ADGRG4: variants seen among roughly 807,000 people sequenced by gnomAD.
ADGRG4 encodes the protein adhesion G protein-coupled receptor G4.
ADGRG4 carries 122 observed loss-of-function variants against 126.2 expected under a neutral mutation model. That is an observed-to-expected ratio of 0.97 (90% CI 0.83 to 1.12). The LOEUF is 1.12. ADGRG4 is among the 50% of genes most tolerant of loss of function. The pLI is 0.00. For missense variants in ADGRG4, 2,481 were observed against 2,251.8 expected (o/e 1.10, Z -2.06); for synonymous variants, 943 against 838.7 (o/e 1.12, Z -2.15).
Position 136,349,986 on chromosome X carries a change from G to T in ADGRG4, c.6280G>T (p.Val2094Phe). Reference sequence around the variant, plus strand: ...AACTTCTCTCCCTATGTCTATAAATGTCACAGATGACATTGTGTACATTTC... The same window carrying T: ...AACTTCTCTCCCTATGTCTATAAATTTCACAGATGACATTGTGTACATTTC... ...FPTSLPMSIN[V>F]TDDIVYISTH... The change falls in exon 6 of 26, where the codon GTC (valine) becomes TTC (phenylalanine). Residue 2094 changes from valine to phenylalanine, a missense_variant. Transcript: ENST00000394143. 8.3e-7 allele frequency: 1 copy of T among 1,209,679 alleles called. No individual in the cohort carries two copies. Among genetic ancestry groups the T allele is most frequent in the Non-Finnish European group, 1.1e-6 (1 of 894,017 alleles).
chrX:136,322,701 T>C (rs940404575), intron 4 of ADGRG4, 77 bp from the exon 5 acceptor site: 24 of 923,833 alleles, frequency 2.6e-5, no homozygotes, highest in African/African-American at 4.0e-5. Context: ...GATTTGACTG[T>C]ATTGCCAAAT....
Position 136,322,807 on chromosome X carries a change from G to T in ADGRG4, c.100G>T (p.Asp34Tyr), listed in dbSNP as rs2074846796. ...ACTTTCACTAAAAGGAAAAAAGCTG[G>T]ATTTTTTTGGAAGAGGTGACACATA... ...DTLSLKGKKL[D>Y]FFGRGDTYVS... The change falls in exon 5 of 26, where the codon GAT becomes TAT. Residue 34 changes from aspartate to tyrosine, a missense_variant. By Grantham distance (160) the Asp-to-Tyr change is radical. Coordinates refer to ENST00000394143, the MANE Select transcript of ADGRG4 (RefSeq NM_153834.4). 19 of 1,187,926 alleles carry T rather than the reference G, an allele frequency of 1.6e-5. No homozygotes were observed. The highest frequency in any genetic ancestry group is 2.1e-5 in the Non-Finnish European group (19 of 883,793).
At chrX:136,338,220 C>T (rs1165812156) in intron 5 of ADGRG4, among the ~76,000 whole-genome samples, 1 of 107,250 alleles carries the variant, frequency 9.3e-6, no homozygotes, top group Non-Finnish European at 1.9e-5. Context: ...TACAGTGGCG[C>T]GATCTTGGCT....
At chrX:136,334,076 CTT>C (rs1165312873) in intron 5 of ADGRG4, among the ~76,000 whole-genome samples, 16 of 2,494 alleles carry the variant, frequency 6.4e-3, no homozygotes, top group African/African-American at 0.041. Context: ...GGTTCTCTCT[CTT>C]TCTTTCTTTC....
chrX:136,374,360 A>G (rs918174314), intron 15 of ADGRG4, among the ~76,000 whole-genome samples: 1 of 111,333 alleles, frequency 9.0e-6, no homozygotes, highest in Non-Finnish European at 1.9e-5. Flanking sequence ...TGATCATATT[A>G]TTTCTATGTC....
intron 5 of ADGRG4, among the ~76,000 whole-genome samples, chrX:136,328,159 A>C (rs1415678456): frequency 9.0e-6 from 1 of 111,441 alleles, no homozygotes; most frequent in Non-Finnish European, 1.9e-5. Context: ...GAAAATATAG[A>C]GCTATCTGAT....
chrX:136,390,749 G>T (rs1465127641), intron 16 of ADGRG4, among the ~76,000 whole-genome samples: 2 of 111,491 alleles, frequency 1.8e-5, no homozygotes, highest in Non-Finnish European at 3.8e-5. Flanking sequence ...TAAGGGAAAT[G>T]AAACCAGAGA....
intron 5 of ADGRG4, among the ~76,000 whole-genome samples, chrX:136,333,920 A>G (rs1439679817): frequency 9.0e-6 from 1 of 111,355 alleles, no homozygotes; most frequent in Non-Finnish European, 1.9e-5. Context: ...TTCGATGTTC[A>G]AGTTTAAGAA....
At position 136,346,000 on chromosome X, in the gene ADGRG4, C is replaced by CA. The variant is rs1187185827; in HGVS notation, c.2294_2295insA (p.Met766TyrfsTer8). The CA allele has an allele frequency of 2.5e-6, 3 of 1,207,580 alleles. No individual in the cohort carries two copies. The highest frequency in any genetic ancestry group is 3.4e-6 in the Non-Finnish European group (3 of 892,555). On this transcript the variant is annotated frameshift_variant, in exon 6 of 26. Transcript: ENST00000394143. LOFTEE classifies it high-confidence loss of function. ...ACCACTTTACTACTAAAAACAATAC[C>CA]TATGTCTACAAAACCTGCAAATGAA... is the stretch of plus-strand genomic sequence containing the variant.
At chrX:136,354,617 C>A (rs1310982888) in intron 8 of ADGRG4, among the ~76,000 whole-genome samples, 1 of 110,880 alleles carries the variant, frequency 9.0e-6, no homozygotes, top group East Asian at 2.8e-4. Context: ...AGCTTCAGAT[C>A]TCACAGGTCC....
At chrX:136,410,499 T>C (rs985938612) in intron 23 of ADGRG4, among the ~76,000 whole-genome samples, 1 of 111,733 alleles carries the variant, frequency 8.9e-6, no homozygotes, top group African/African-American at 3.3e-5. Flanking sequence ...TGGTGCTCAG[T>C]TTACAATGGG....
intron 21 of ADGRG4, among the ~76,000 whole-genome samples, chrX:136,401,061 G>A (rs1476034439): frequency 1.8e-5 from 2 of 111,951 alleles, no homozygotes; most frequent in Non-Finnish European, 3.8e-5. Flanking sequence ...CCTTTAATGA[G>A]TTCATTAACA....
At chrX:136,380,609 C>CTTCTTCTTA (rs2075256238) in intron 15 of ADGRG4, among the ~76,000 whole-genome samples, 2 of 62,112 alleles carry the variant, frequency 3.2e-5, no homozygotes. Context: ...TCCTCCTCTT[C>CTTCTTCTTA]TTCTTCTTCT....
Position 136,349,932 on chromosome X carries a change from A to T in ADGRG4, c.6226A>T (p.Thr2076Ser), listed in dbSNP as rs1208287281. ...TILTRTIPTP[T>S]LGGITTGFPT... ...ACTCACCCGAACCATTCCTACACCT[A>T]CACTGGGTGGTATCACTACTGGCTT... is the stretch of plus-strand genomic sequence containing the variant. The change falls in exon 6 of 26, where the codon ACA becomes TCA. Residue 2076 changes from threonine (T) to serine (S), a missense_variant. Coordinates refer to ENST00000394143, the MANE Select transcript of ADGRG4 (RefSeq NM_153834.4). 1.7e-6 allele frequency: 2 copies of T among 1,210,577 alleles called. No individual in the cohort carries two copies. The highest frequency in any genetic ancestry group is 5.9e-5 in the East Asian group (2 of 33,813).
intron 24 of ADGRG4, among the ~76,000 whole-genome samples, chrX:136,413,195 G>A (rs1438623419): frequency 4.7e-5 from 5 of 107,082 alleles, no homozygotes; most frequent in Admixed American, 2.0e-4. Context: ...CCACTAACTC[G>A]TCATCTAGCA....
chrX:136,317,084 C>A (rs2074809455), intron 4 of ADGRG4, among the ~76,000 whole-genome samples: 1 of 111,680 alleles, frequency 9.0e-6, no homozygotes, highest in African/African-American at 3.3e-5. Flanking sequence ...TCAAACTGTA[C>A]ATGAAAATTA....
At chrX:136,410,368 G>C (rs1398764308) in intron 23 of ADGRG4, among the ~76,000 whole-genome samples, 3 of 111,508 alleles carry the variant, frequency 2.7e-5, no homozygotes, top group Non-Finnish European at 5.6e-5. Flanking sequence ...ACATGGTGCT[G>C]GTGGGAGGTA....
intron 24 of ADGRG4, among the ~76,000 whole-genome samples, chrX:136,413,237 C>T (rs1159901107): frequency 2.0e-5 from 2 of 100,510 alleles, no homozygotes; most frequent in African/African-American, 3.6e-5. Flanking sequence ...ATCCCTCCCC[C>T]CTCCCCGCAC....
At chrX:136,323,613 C>T (rs1041747420) in intron 5 of ADGRG4, among the ~76,000 whole-genome samples, 3 of 109,246 alleles carry the variant, frequency 2.7e-5, no homozygotes, top group African/African-American at 1.0e-4. Context: ...CACACACACA[C>T]ACCACTTATT....
Sources: gnomAD v4.1 joint callset for allele counts (sites outside exome capture counted in the v4.1 genomes callset) on GRCh38, gnomAD v4.1.1 for gene constraint, MANE v1.5 for transcripts, NCBI Gene and HGNC (gene_info 2026-07-23, HGNC 2026-07-21) for gene names.